Variants in PHLPP1 observed in about 807,000 individuals in gnomAD.
PHLPP1 encodes the protein PH domain and leucine rich repeat protein phosphatase 1.
A neutral mutation model predicts 117.2 loss-of-function variants in PHLPP1; 42 were observed. The observed-to-expected ratio is 0.36, with a 90% CI of 0.28 to 0.46. PHLPP1 has a LOEUF of 0.46. Among genes scored for constraint, PHLPP1 ranks in the 20% least tolerant of loss-of-function variants. The pLI is 1.00. For missense variants in PHLPP1, 2,084 were observed against 2,241.9 expected (o/e 0.93, Z 1.42); for synonymous variants, 1,042 against 970.7 (o/e 1.07, Z -1.37).
intron 8 of PHLPP1, among the ~76,000 whole-genome samples, chr18:62,912,358 T>A (rs1480365491): frequency 8.2e-4 from 51 of 61,872 alleles, no homozygotes; most frequent in East Asian, 1.9e-3. Context: ...AAAAAAAAAA[T>A]TTTTTTTTAT....
chr18:62,946,253 G>A (rs1910277660), intron 12 of PHLPP1, among the ~76,000 whole-genome samples: 1 of 152,138 alleles, frequency 6.6e-6, no homozygotes. Context: ...TAAATGGCTT[G>A]CATAACTTTT....
intron 4 of PHLPP1, among the ~76,000 whole-genome samples, chr18:62,874,942 T>TATTATG (rs576840845): frequency 2.2e-3 from 339 of 152,246 alleles, no homozygotes; most frequent in Non-Finnish European, 4.0e-3. Context: ...TCTGTAGAAT[T>TATTATG]ATTATGATTA....
In PHLPP1 at chr18:62,823,704, C is replaced by T. The variant is rs559765914; in HGVS notation, c.1577-6331C>T. The stretch of plus-strand genomic sequence containing the variant: ...AGGACTTAACCCAATTAAAATTGAA[C>T]ACAGGATTTGAATAGTTACTTTGGC... On this transcript the variant is annotated intron_variant, in intron 1 of 16. Coordinates refer to ENST00000262719, the MANE Select transcript of PHLPP1 (RefSeq NM_194449.4). Among the ~76,000 whole-genome samples, 3 of 151,582 alleles carry T rather than the reference C, an allele frequency of 2.0e-5. No homozygotes were observed. In the South Asian group the frequency reaches 6.3e-4, roughly 32 times the overall value.
At chr18:62,847,613 CAAG>C (rs2144349125) in intron 3 of PHLPP1, among the ~76,000 whole-genome samples, 1 of 152,100 alleles carries the variant, frequency 6.6e-6, no homozygotes, top group East Asian at 1.9e-4. Context: ...AGGTAGTTGA[CAAG>C]AAGCGAATAT....
At chr18:62,963,635 G>C (rs1676577899) in intron 14 of PHLPP1, among the ~76,000 whole-genome samples, 163 bp downstream of exon 14, 1 of 152,192 alleles carries the variant, frequency 6.6e-6, no homozygotes, top group South Asian at 2.1e-4. Flanking sequence ...ACTTATGTTT[G>C]AACATTAAGG....
At chr18:62,822,396 C>G (rs1203138179) in intron 1 of PHLPP1, among the ~76,000 whole-genome samples, 1 of 151,240 alleles carries the variant, frequency 6.6e-6, no homozygotes, top group Non-Finnish European at 1.5e-5. Context: ...ATTCTCCTGC[C>G]TCAGCATCCT....
intron 1 of PHLPP1, among the ~76,000 whole-genome samples, chr18:62,719,768 T>C (rs1479379576): frequency 2.6e-5 from 4 of 152,196 alleles, no homozygotes; most frequent in African/African-American, 9.6e-5. Context: ...CAAATTCTTT[T>C]GAATATTTTT....
chr18:62,830,263 C>CAG (rs1914720801), intron 2 of PHLPP1, 32 bp downstream of exon 2: 1 of 1,518,712 alleles, frequency 6.6e-7, no homozygotes, highest in Non-Finnish European at 8.9e-7. Flanking sequence ...TTTATTGAGT[C>CAG]AGAGTCTCAC....
chr18:62,938,881 T>TA (rs1350561504), intron 10 of PHLPP1, among the ~76,000 whole-genome samples: 1 of 152,172 alleles, frequency 6.6e-6, no homozygotes, highest in Non-Finnish European at 1.5e-5. Flanking sequence ...TTTTCTGGCC[T>TA]AAAAAATATG....
chr18:62,790,558 C>T (rs1913427130), intron 1 of PHLPP1, among the ~76,000 whole-genome samples: 2 of 152,096 alleles, frequency 1.3e-5, no homozygotes, highest in Non-Finnish European at 2.9e-5. Context: ...TCTAGAATAC[C>T]ACATGACTCC....
chr18:62,753,436 TAAC>T (rs1225690216), intron 1 of PHLPP1, among the ~76,000 whole-genome samples: 1 of 152,230 alleles, frequency 6.6e-6, no homozygotes, highest in Non-Finnish European at 1.5e-5. Context: ...AGTAATATAA[TAAC>T]TATCATTTGT....
chr18:62,765,775 C>T (rs1463811760), intron 1 of PHLPP1, among the ~76,000 whole-genome samples: 1 of 151,940 alleles, frequency 6.6e-6, no homozygotes, highest in African/African-American at 2.4e-5. Context: ...GCGGGTGGAT[C>T]ACGAGGTCAG....
chr18:62,903,624 C>T (rs917496827), intron 7 of PHLPP1, among the ~76,000 whole-genome samples: 9 of 151,860 alleles, frequency 5.9e-5, no homozygotes, highest in East Asian at 1.9e-4. Flanking sequence ...GTTAGCTGGG[C>T]GTGGTGGTGT....
At chr18:62,889,352 C>G (rs563477962) in intron 4 of PHLPP1, among the ~76,000 whole-genome samples, 1 of 152,222 alleles carries the variant, frequency 6.6e-6, no homozygotes, top group African/African-American at 2.4e-5. Flanking sequence ...AAATGGAGAG[C>G]CACATACCAT....
intron 3 of PHLPP1, among the ~76,000 whole-genome samples, chr18:62,856,319 C>G (rs1392900353): frequency 6.6e-6 from 1 of 152,182 alleles, no homozygotes; most frequent in Non-Finnish European, 1.5e-5. Flanking sequence ...GAGGGTCCCA[C>G]AGGATCTGCT....
At chr18:62,809,112 T>A (rs1218054441) in intron 1 of PHLPP1, among the ~76,000 whole-genome samples, 1 of 152,214 alleles carries the variant, frequency 6.6e-6, no homozygotes, top group African/African-American at 2.4e-5. Flanking sequence ...TAAAAATATA[T>A]GTTTTATTTG....
intron 1 of PHLPP1, among the ~76,000 whole-genome samples, chr18:62,722,901 A>G (rs1209357063): frequency 6.6e-6 from 1 of 152,248 alleles, no homozygotes; most frequent in Non-Finnish European, 1.5e-5. Context: ...TATCAAGCAT[A>G]ATAACAGTTA....
intron 1 of PHLPP1, among the ~76,000 whole-genome samples, chr18:62,787,415 A>T (rs1913326195): frequency 6.6e-6 from 1 of 152,054 alleles, no homozygotes; most frequent in African/African-American, 2.4e-5. Context: ...TGATCCGCCC[A>T]CCTCGGCCTC....
intron 1 of PHLPP1, among the ~76,000 whole-genome samples, chr18:62,725,373 AAT>A (rs1911038906): frequency 2.0e-5 from 3 of 151,436 alleles, no homozygotes; most frequent in Admixed American, 6.6e-5. Flanking sequence ...AAAAAAAAAA[AAT>A]AATAAATAAA....
Sources: gnomAD v4.1 joint callset for allele counts (sites outside exome capture counted in the v4.1 genomes callset) on GRCh38, gnomAD v4.1.1 for gene constraint, MANE v1.5 for transcripts, NCBI Gene and HGNC (gene_info 2026-07-23, HGNC 2026-07-21) for gene names.